The following DCT variants were observed in gnomAD, a reference collection of about 807,000 sequenced individuals.
DCT encodes dopachrome tautomerase, also known as L-dopachrome tautomerase.
A neutral mutation model predicts 53.0 loss-of-function variants in DCT; 47 were observed. That is an observed-to-expected ratio of 0.89 (90% CI 0.70 to 1.13). DCT has a LOEUF of 1.13. Among genes scored for constraint, DCT ranks in the 50% most tolerant of loss-of-function variants. DCT has a pLI of 0.00. For synonymous variants in DCT, 244 were observed against 237.0 expected (o/e 1.03, Z -0.27); for missense variants, 669 against 637.4 (o/e 1.05, Z -0.53).
At position 94,439,953 on chromosome 13, in the gene DCT, T is replaced by A; in HGVS notation, c.1505A>T (p.Tyr502Phe). The A allele has an allele frequency of 6.2e-7, 1 of 1,614,026 alleles. No individual in the cohort carries two copies. The highest frequency in any genetic ancestry group is 1.3e-5 in the African/African-American group (1 of 75,026). ...TAAATGTGTCTCCATTAGGGGTGTA[T>A]ATCCTTTTCGAAGTCTTCTATATTG... ...FLQYRRLRKG[Y>F]TPLMETHLSS... Residue 502 changes from tyrosine (Y) to phenylalanine (F), a missense_variant, in exon 8 of 8, where the codon TAT (tyrosine) becomes TTT (phenylalanine). Physicochemically the swap from Tyr to Phe is conservative, Grantham distance 22. Transcript: ENST00000377028.
At chr13:94,452,811 T>TA (rs397969332) in intron 6 of DCT, 692 of 463,962 alleles carry the variant, frequency 1.5e-3, no homozygotes, top group South Asian at 1.8e-3. Context: ...TGGAATAAGT[T>TA]AAAAAAAAAG....
rs1202983361 is a variant in DCT, at chr13:94,445,632, T to C, written c.1180-1995A>G. ...ATGGTCACCTTCAAGCCACTGAGTG[T>C]TTGGGTAATCGTAATCTGTTATGCA... On this transcript the variant is annotated intron_variant, in intron 6 of 7. Transcript: ENST00000377028. 3.4e-6 allele frequency: 3 copies of C among 880,958 alleles called. No individual in the cohort carries two copies. The Admixed American group carries it at 7.1e-5, about 21-fold the overall frequency. The allele number at this position is 880,958 out of a possible 1,614,324, so 54.6% of individuals were successfully genotyped here.
At chr13:94,466,519 T>A (rs762929934) in intron 3 of DCT, 39 bp downstream of exon 3, 64 of 1,384,384 alleles carry the variant, frequency 4.6e-5, no homozygotes, top group East Asian at 4.3e-4. Context: ...ATAAATTTTT[T>A]AAAAAATTAA....
the DCT span, among the ~76,000 whole-genome samples, chr13:94,529,269 T>C: frequency 6.6e-6 from 1 of 152,198 alleles, no homozygotes; most frequent in Non-Finnish European, 1.5e-5. Context: ...GGAATTGAAC[T>C]CAGCTCTGGA....
At chr13:94,544,679 A>C in the DCT span, among the ~76,000 whole-genome samples, 1 of 152,250 alleles carries the variant, frequency 6.6e-6, no homozygotes, top group Admixed American at 6.5e-5. Flanking sequence ...CAGGAACTGT[A>C]TATTCCTGGA....
chr13:94,522,246 G>A, the DCT span, among the ~76,000 whole-genome samples: 1 of 152,162 alleles, frequency 6.6e-6, no homozygotes, highest in African/African-American at 2.4e-5. Flanking sequence ...CCCTTAATCT[G>A]AGTGGGCACA....
upstream of DCT, among the ~76,000 whole-genome samples, chr13:94,480,896 A>G (rs1885413184): frequency 6.6e-6 from 1 of 152,242 alleles, no homozygotes; most frequent in African/African-American, 2.4e-5. Flanking sequence ...AAATGACCAC[A>G]AACTGGATGA....
At chr13:94,449,705 C>G (rs1193404788) in intron 6 of DCT, among the ~76,000 whole-genome samples, 1 of 152,158 alleles carries the variant, frequency 6.6e-6, no homozygotes, top group African/African-American at 2.4e-5. Context: ...ATGGTCATTC[C>G]TAAAAAATAT....
At chr13:94,442,044 T>A (rs979582584) in intron 7 of DCT, among the ~76,000 whole-genome samples, 3 of 152,098 alleles carry the variant, frequency 2.0e-5, no homozygotes, top group African/African-American at 7.2e-5. Flanking sequence ...GTCATCCCAA[T>A]GGGTATGAGG....
At chr13:94,517,797 T>A in the DCT span, among the ~76,000 whole-genome samples, 1 of 152,140 alleles carries the variant, frequency 6.6e-6, no homozygotes, top group African/African-American at 2.4e-5. Flanking sequence ...AGCCAAAGCA[T>A]GCTAGTAGCA....
chr13:94,527,039 T>C, the DCT span, among the ~76,000 whole-genome samples: 61,345 of 151,966 alleles, frequency 0.4, 13,129 homozygotes, highest in East Asian at 0.62. Context: ...AGTCTGAGAT[T>C]GACCCGCAAC....
chr13:94,508,714 TA>T, the DCT span, among the ~76,000 whole-genome samples: 43 of 152,054 alleles, frequency 2.8e-4, no homozygotes, highest in African/African-American at 8.2e-4. Context: ...GAAAGAAGAA[TA>T]GGGGGCCACT....
Position 94,479,081 on chromosome 13 carries a change from C to G in DCT, c.175G>C (p.Gly59Arg), listed in dbSNP as rs765400592. The G allele has an allele frequency of 6.2e-7, 1 of 1,614,226 alleles. No individual in the cohort carries two copies. The highest frequency in any genetic ancestry group is 8.5e-7 in the Non-Finnish European group (1 of 1,180,052). Reference sequence around the variant, plus strand: ...TCGGCTCGCACCTCTGTGCACTGCCCCCGGCCTTGCTGAGAGCCACAGACA... The same window carrying G: ...TCGGCTCGCACCTCTGTGCACTGCCGCCGGCCTTGCTGAGAGCCACAGACA... ...ANVCGSQQGR[G>R]QCTEVRADTR... The change falls in exon 1 of 8, where the codon GGG becomes CGG. Residue 59 changes from glycine to arginine, a missense_variant. Coordinates refer to ENST00000377028, the MANE Select transcript of DCT (RefSeq NM_001922.5).
intron 6 of DCT, among the ~76,000 whole-genome samples, chr13:94,457,300 T>A (rs987644192): frequency 3.3e-5 from 5 of 152,194 alleles, no homozygotes; most frequent in African/African-American, 1.2e-4. Flanking sequence ...AATTAAGGTT[T>A]AATGAGGTCA....
the DCT span, among the ~76,000 whole-genome samples, chr13:94,540,996 G>A: frequency 6.6e-6 from 1 of 152,302 alleles, no homozygotes; most frequent in South Asian, 2.1e-4. Context: ...AACAATGTGG[G>A]TGGAACTGCA....
At chr13:94,517,852 T>C in the DCT span, among the ~76,000 whole-genome samples, 2 of 152,102 alleles carry the variant, frequency 1.3e-5, no homozygotes, top group Admixed American at 6.6e-5. Context: ...TTTTAAAGAA[T>C]GCTGGTAGCC....
the DCT span, among the ~76,000 whole-genome samples, chr13:94,485,976 C>T: frequency 6.6e-6 from 1 of 152,120 alleles, no homozygotes; most frequent in African/African-American, 2.4e-5. Context: ...TGTATTAAGT[C>T]CCTACTATGC....
intron 6 of DCT, among the ~76,000 whole-genome samples, chr13:94,456,912 T>C (rs1196967312): frequency 6.6e-6 from 1 of 152,208 alleles, no homozygotes; most frequent in Non-Finnish European, 1.5e-5. Flanking sequence ...CGAGGATCAC[T>C]TGAGGTCATG....
chr13:94,506,123 T>C, the DCT span, among the ~76,000 whole-genome samples: 1 of 152,208 alleles, frequency 6.6e-6, no homozygotes, highest in Non-Finnish European at 1.5e-5. Context: ...TACTTGATAT[T>C]CAGAAATCAC....
Sources: gnomAD v4.1 joint callset for allele counts (sites outside exome capture counted in the v4.1 genomes callset) on GRCh38, gnomAD v4.1.1 for gene constraint, MANE v1.5 for transcripts, NCBI Gene and HGNC (gene_info 2026-07-23, HGNC 2026-07-21) for gene names.